The following LIG4 variants were observed in gnomAD, a reference collection of about 807,000 sequenced individuals.
The protein encoded by LIG4 is DNA joinase.
Under a neutral mutation model 19.0 loss-of-function variants are expected in LIG4, and 13 were observed. That is an observed-to-expected ratio of 0.68 (90% CI 0.44 to 1.09). The LOEUF (loss-of-function observed/expected upper bound fraction) is 1.09. Ranked by LOEUF, LIG4 falls within the 50% of genes least tolerant of loss-of-function variation. The pLI is 0.00. For missense variants in LIG4, 1,026 were observed against 1,089.7 expected (o/e 0.94, Z 0.82); for synonymous variants, 361 against 358.2 (o/e 1.01, Z -0.09).
In LIG4 at chr13:108,212,294, G is replaced by A. The variant is rs181100339; in HGVS notation, c.-28-998C>T. Among the ~76,000 whole-genome samples, 94 of 152,174 alleles carry A rather than the reference G, an allele frequency of 6.2e-4. 1 individual carries two copies. In the East Asian group the frequency reaches 6.4e-3, roughly 10 times the overall value. ...ATAAAACAAACGTAAAATGTCCTGA[G>A]GGGAGAGCTTTTCCCTAAAGTATCT... is the stretch of plus-strand genomic sequence containing the variant. On this transcript the variant is annotated intron_variant, in intron 2 of 2. Transcript: ENST00000442234.
At position 108,208,360 on chromosome 13, in the gene LIG4, C is replaced by G. The variant is rs1878140175; in HGVS notation, c.*173G>C. 7.1e-6 allele frequency: 4 copies of G among 566,648 alleles called. No homozygotes were observed. The South Asian group carries it at 8.7e-5, about 12-fold the overall frequency. The allele number at this position is 566,648 out of a possible 1,614,324, so 35.1% of individuals were successfully genotyped here. A position where few individuals can be genotyped will look rare whatever the true frequency, so the allele number is the denominator to read the frequency against. On this transcript the variant is annotated 3_prime_UTR_variant, in exon 3 of 3. Coordinates refer to ENST00000442234, the MANE Select transcript of LIG4 (RefSeq NM_206937.2). ...ATAATTTTTCTTTCTTGGCTTTGGG[C>G]TATTGTCTTTTCAACCTTAAAAGTT...
At chr13:108,212,792 G>C (rs1325583845) in intron 2 of LIG4, among the ~76,000 whole-genome samples, 2 of 151,878 alleles carry the variant, frequency 1.3e-5, no homozygotes, top group African/African-American at 4.8e-5. Flanking sequence ...CTAGAGGCCA[G>C]GAATTGTGCT....
upstream of LIG4, among the ~76,000 whole-genome samples, chr13:108,217,029 A>G (rs1879333802): frequency 6.6e-6 from 1 of 152,238 alleles, no homozygotes; most frequent in Non-Finnish European, 1.5e-5. Flanking sequence ...ATGATTCAAG[A>G]ACCCAGCTTT....
upstream of LIG4, among the ~76,000 whole-genome samples, chr13:108,217,484 C>T (rs763631262): frequency 6.6e-6 from 1 of 152,032 alleles, no homozygotes; most frequent in Non-Finnish European, 1.5e-5. Context: ...CTTGCCATTG[C>T]ACTCCAGCCT....
rs1028222636 is a variant in LIG4, at chr13:108,208,522, G to A, written c.*11C>T. On this transcript the variant is annotated 3_prime_UTR_variant, in exon 3 of 3. Coordinates refer to ENST00000442234, the MANE Select transcript of LIG4 (RefSeq NM_206937.2). ...CCAGATCAGAGGCTTTCCTCACTAG[G>A]AAACCTAGCTTTAAATCAAATACTG... 3.2e-6 allele frequency: 5 copies of A among 1,573,882 alleles called. No homozygotes were observed. The East Asian group carries it at 6.7e-5, about 21-fold the overall frequency.
At chr13:108,216,420 G>A (rs1461392272), upstream of LIG4, among the ~76,000 whole-genome samples, 2 of 152,188 alleles carry the variant, frequency 1.3e-5, no homozygotes, top group Non-Finnish European at 2.9e-5. Context: ...ACATATTAGA[G>A]CTGTTAAGTG....
At position 108,210,754 on chromosome 13, in the gene LIG4, A is replaced by C; in HGVS notation, c.515T>G (p.Leu172Arg). 6.2e-7 allele frequency: 1 copy of C among 1,614,052 alleles called. No homozygotes were observed. ...KRKDLIKKSL[L>R]QLITQSSALE... is the part of the protein sequence containing the mutation. ...TGCTGAACTCTGAGTTATAAGTTGA[A>C]GAAGGCTCTTTTTTATTAGGTCTTT... The change falls in exon 3 of 3, where the codon CTT becomes CGT. Residue 172 changes from leucine (L) to arginine (R), a missense_variant. Transcript: ENST00000442234.
At chr13:108,212,103 A>G (rs984570342) in intron 2 of LIG4, among the ~76,000 whole-genome samples, 2 of 151,974 alleles carry the variant, frequency 1.3e-5, no homozygotes, top group Admixed American at 6.6e-5. Context: ...TTTAATGACT[A>G]CATATGAGAT....
At chr13:108,212,194 A>G (rs933882048) in intron 2 of LIG4, among the ~76,000 whole-genome samples, 17 of 143,158 alleles carry the variant, frequency 1.2e-4, no homozygotes, top group African/African-American at 5.1e-4. Context: ...AAAAAAAAAG[A>G]AAAAAAAGAA....
In LIG4 at chr13:108,208,762, G is replaced by C; in HGVS notation, c.2507C>G (p.Thr836Arg). 1 of 1,614,114 alleles carries C rather than the reference G, an allele frequency of 6.2e-7. No homozygotes were observed. The highest frequency in any genetic ancestry group is 8.5e-7 in the Non-Finnish European group (1 of 1,180,018). Residue 836 changes from threonine to arginine, a missense_variant, in exon 3 of 3, where the codon ACA becomes AGA. Physicochemically the swap from Thr to Arg is moderately conservative, Grantham distance 71 (BLOSUM62 -1). Coordinates refer to ENST00000442234, the MANE Select transcript of LIG4 (RefSeq NM_206937.2). ...INDLSTKNEG[T>R]RLAIKALELR... Reference sequence around the variant, plus strand: ...CTCCAAGGCTTTAATAGCTAACCTTGTCCCCTCATTTTTGGTACTCAGGTC... The same window carrying C: ...CTCCAAGGCTTTAATAGCTAACCTTCTCCCCTCATTTTTGGTACTCAGGTC...
chr13:108,215,304 C>T (rs1879165675), intron 1 of LIG4, among the ~76,000 whole-genome samples, 180 bp downstream of exon 1: 1 of 104,366 alleles, frequency 9.6e-6, no homozygotes, highest in Non-Finnish European at 2.0e-5. Context: ...CACAGATACC[C>T]CGCCTGACGC....
Sources: gnomAD v4.1 joint callset for allele counts (sites outside exome capture counted in the v4.1 genomes callset) on GRCh38, gnomAD v4.1.1 for gene constraint, MANE v1.5 for transcripts, NCBI Gene and HGNC (gene_info 2026-07-23, HGNC 2026-07-21) for gene names.